Variants in EBPL observed in about 807,000 individuals in gnomAD.
The protein encoded by EBPL is EBP like.
A neutral mutation model predicts 19.0 loss-of-function variants in EBPL; 20 were observed. That is an observed-to-expected ratio of 1.05 (90% confidence interval 0.74 to 1.53). The LOEUF (loss-of-function observed/expected upper bound fraction) is 1.53, where lower values mean the gene tolerates loss of function less well. EBPL is among the 40% of genes most tolerant of loss of function. EBPL has a pLI of 0.00. For missense variants in EBPL, 219 were observed against 261.1 expected, an observed-to-expected ratio of 0.84 and a Z score of 1.11; for synonymous variants, 107 against 117.0, an observed-to-expected ratio of 0.91 and a Z score of 0.55.
rs1445576242 is a variant in EBPL at position 49,686,982 on chromosome 13, TTCACTATGTTAGCAAGGCC to T, written c.171+4253_171+4271del. Among the ~76,000 whole-genome samples, 21 of 152,216 alleles carry T rather than the reference TTCACTATGTTAGCAAGGCC, an allele frequency of 1.4e-4. No individual in the cohort carries two copies. In the East Asian group the frequency reaches 3.1e-3, roughly 22 times the overall value. On this transcript the variant is annotated intron_variant, in intron 1 of 3. Transcript: ENST00000242827. ...AGCTAATTTTTCGTAGAGATGAGGC[TTCACTATGTTAGCAAGGCC>T]TCACTATGTTAGCAAGGCTGGTCTC...
Position 49,661,074 on chromosome 13 carries a change from A to G in EBPL, c.515T>C (p.Phe172Ser), listed in dbSNP as rs954903886. 1 of 1,613,926 alleles carries G rather than the reference A, an allele frequency of 6.2e-7. No homozygotes were observed. Among genetic ancestry groups the G allele is most frequent in the Non-Finnish European group, 8.5e-7 (1 of 1,179,938 alleles). The change falls in exon 4 of 4, where the codon TTT becomes TCT. Residue 172 changes from phenylalanine (F) to serine (S), a missense_variant. Phe to Ser is a radical substitution (Grantham distance 155). Coordinates refer to ENST00000242827, the MANE Select transcript of EBPL (RefSeq NM_032565.5). ...WLYCWLYLFF[F>S]NGVWVLIPGL... is the part of the protein sequence containing the mutation. ...TGGGATCAGAACCCACACACCGTTA[A>G]AAAAAAACAGGTAAAGCCAACAGTA...
At chr13:49,689,498 G>A (rs898385030) in intron 1 of EBPL, among the ~76,000 whole-genome samples, 4 of 151,960 alleles carry the variant, frequency 2.6e-5, no homozygotes, top group African/African-American at 7.3e-5. Context: ...TATGGGCACC[G>A]TCACCACACC....
chr13:49,682,166 T>C (rs747267964), intron 1 of EBPL, among the ~76,000 whole-genome samples: 2 of 152,202 alleles, frequency 1.3e-5, no homozygotes, highest in African/African-American at 4.8e-5. Flanking sequence ...CAGCAGCCAG[T>C]TGTCACCTAA....
At chr13:49,669,924 C>A in intron 1 of EBPL, 78 bp from the exon 2 acceptor site, 1 of 1,116,972 alleles carries the variant, frequency 9.0e-7, no homozygotes, top group South Asian at 1.3e-5. Flanking sequence ...ATGGCATTGC[C>A]TGGCTCCATC....
intron 2 of EBPL, among the ~76,000 whole-genome samples, chr13:49,668,990 T>C (rs564910441): frequency 6.6e-6 from 1 of 151,358 alleles, no homozygotes; most frequent in African/African-American, 2.4e-5. Context: ...CGCCATTCTC[T>C]TGCCTCAGCC....
chr13:49,667,645 G>A (rs553786290), intron 2 of EBPL, among the ~76,000 whole-genome samples: 1 of 152,286 alleles, frequency 6.6e-6, no homozygotes, highest in Admixed American at 6.5e-5. Context: ...CAATAAATGA[G>A]TTTTTACTGC....
intron 1 of EBPL, among the ~76,000 whole-genome samples, chr13:49,680,163 C>G (rs1351541754): frequency 1.3e-5 from 2 of 152,148 alleles, no homozygotes; most frequent in Non-Finnish European, 2.9e-5. Context: ...CTGCCAAGAC[C>G]CACGAGCCAC....
intron 1 of EBPL, among the ~76,000 whole-genome samples, chr13:49,688,450 T>A (rs535598832): frequency 5.7e-4 from 87 of 152,202 alleles, no homozygotes; most frequent in Admixed American, 9.2e-4. Context: ...CCAGGCGCAG[T>A]GGCTCACGCC....
At chr13:49,666,411 GACATAAT>G (rs1389933863) in intron 2 of EBPL, among the ~76,000 whole-genome samples, 1 of 152,056 alleles carries the variant, frequency 6.6e-6, no homozygotes. Context: ...TATCAAAGCA[GACATAAT>G]ACTGAATCCC....
intron 3 of EBPL, among the ~76,000 whole-genome samples, chr13:49,662,308 G>A (rs1965162717): frequency 1.3e-5 from 2 of 151,932 alleles, no homozygotes; most frequent in South Asian, 2.1e-4. Flanking sequence ...TCTGCACTCC[G>A]CCTGCCCCAT....
chr13:49,686,684 T>G (rs1393682841), intron 1 of EBPL: 41 of 1,212,198 alleles, frequency 3.4e-5, no homozygotes, highest in Non-Finnish European at 4.4e-5. Context: ...CAGTCATACC[T>G]GGGGCTTCGT....
intron 1 of EBPL, among the ~76,000 whole-genome samples, chr13:49,679,153 T>C (rs1266247524): frequency 6.6e-6 from 1 of 152,258 alleles, no homozygotes; most frequent in East Asian, 1.9e-4. Flanking sequence ...GAGACAGTTA[T>C]AGTTCCTCCT....
chr13:49,668,504 G>GCGGA (rs1467205781), intron 2 of EBPL: 1 of 284,816 alleles, frequency 3.5e-6, no homozygotes, highest in Non-Finnish European at 7.0e-6. Context: ...AACCTGGGAG[G>GCGGA]CGGAGCTTGC....
At chr13:49,681,604 G>A (rs1191421554) in intron 1 of EBPL, among the ~76,000 whole-genome samples, 1 of 152,146 alleles carries the variant, frequency 6.6e-6, no homozygotes, top group African/African-American at 2.4e-5. Context: ...GCATATAAGG[G>A]TTTTAACAAC....
chr13:49,662,065 C>T (rs1965158690), intron 3 of EBPL: 1 of 757,800 alleles, frequency 1.3e-6, no homozygotes, highest in African/African-American at 1.7e-5. Flanking sequence ...ACGAACGTGG[C>T]TCACTGCAAC....
intron 2 of EBPL, among the ~76,000 whole-genome samples, chr13:49,664,776 A>G (rs547088898): frequency 6.6e-6 from 1 of 152,226 alleles, no homozygotes; most frequent in African/African-American, 2.4e-5. Context: ...AGGATCCCTC[A>G]GGGCCTGGGA....
intron 1 of EBPL, among the ~76,000 whole-genome samples, chr13:49,676,621 T>TAAAC (rs1953879564): frequency 6.6e-6 from 1 of 151,414 alleles, no homozygotes; most frequent in Non-Finnish European, 1.5e-5. Flanking sequence ...AATAAATAAA[T>TAAAC]AAATAAATAA....
intron 2 of EBPL, among the ~76,000 whole-genome samples, chr13:49,665,715 C>CTTT (rs35993290): frequency 1.4e-5 from 2 of 146,934 alleles, no homozygotes; most frequent in Admixed American, 1.4e-4. Context: ...TTCAACAAGT[C>CTTT]TTTTTTTTTT....
intron 1 of EBPL, among the ~76,000 whole-genome samples, chr13:49,682,739 G>T (rs2137507373): frequency 6.6e-6 from 1 of 152,322 alleles, no homozygotes; most frequent in African/African-American, 2.4e-5. Flanking sequence ...AGAAAACTAA[G>T]AAAATTTCCT....
Sources: allele counts gnomAD v4.1 joint callset (sites outside exome capture counted in the v4.1 genomes callset), GRCh38; gene constraint gnomAD v4.1.1; transcripts MANE v1.5; gene names NCBI Gene and HGNC (gene_info 2026-07-23, HGNC 2026-07-21).